Variants in ACACB observed in about 807,000 individuals in gnomAD.
ACACB encodes acetyl-CoA carboxylase beta.
ACACB carries 209 observed loss-of-function variants against 278.8 expected under a neutral mutation model. The observed-to-expected ratio is 0.75, with a 90% confidence interval of 0.67 to 0.84. The LOEUF (loss-of-function observed/expected upper bound fraction) is 0.84. ACACB is among the 40% of genes least tolerant of loss of function. The pLI is 0.00. For synonymous variants in ACACB, 1,174 were observed against 1,285.6 expected (o/e 0.91, Z 1.86); for missense variants, 2,850 against 3,269.0 (o/e 0.87, Z 3.13).
intron 20 of ACACB, among the ~76,000 whole-genome samples, chr12:109,207,910 C>G (rs1299836101): frequency 6.6e-6 from 1 of 151,886 alleles, no homozygotes; most frequent in Non-Finnish European, 1.5e-5. Flanking sequence ...GAACTCCTGA[C>G]CTCAGGTGAT....
At chr12:109,262,287 C>G in intron 48 of ACACB, 70 bp from the exon 49 acceptor site, 1 of 1,255,330 alleles carries the variant, frequency 8.0e-7, no homozygotes, top group Non-Finnish European at 1.2e-6. Context: ...CCAGCTCCCC[C>G]CACATCCATT....
intron 41 of ACACB, among the ~76,000 whole-genome samples, chr12:109,251,725 T>C (rs1448534706): frequency 6.6e-6 from 1 of 152,212 alleles, no homozygotes; most frequent in Non-Finnish European, 1.5e-5. Context: ...CTTTTGGTTG[T>C]TAAGAGGCTG....
intron 45 of ACACB, among the ~76,000 whole-genome samples, chr12:109,257,533 G>A (rs1347174703): frequency 6.6e-6 from 1 of 152,104 alleles, no homozygotes; most frequent in Non-Finnish European, 1.5e-5. Flanking sequence ...CTAGACCAGT[G>A]TAGTAGCTGC....
At chr12:109,129,522 A>T (rs1393793830) in intron 1 of ACACB, among the ~76,000 whole-genome samples, 1 of 152,204 alleles carries the variant, frequency 6.6e-6, no homozygotes, top group Non-Finnish European at 1.5e-5. Flanking sequence ...TAAAAAAATA[A>T]TCCTCTGTTG....
intron 35 of ACACB, 83 bp downstream of exon 35, chr12:109,240,068 C>G (rs979322419): frequency 4.2e-5 from 62 of 1,488,062 alleles, no homozygotes; most frequent in Admixed American, 2.0e-5. Flanking sequence ...TCTCTTGCCA[C>G]TCAAGACCTG....
chr12:109,210,095 A>G lies in ACACB; in HGVS notation c.3249+742A>G, dbSNP rs201598327. 4.0e-4 allele frequency among the ~76,000 whole-genome samples: 30 copies of G among 75,256 alleles called. 3 individuals are homozygous for G. Among genetic ancestry groups the G allele is most frequent in the African/African-American group, 9.9e-4 (19 of 19,140 alleles). 49.4% of individuals were successfully genotyped at this position (75,256 alleles called of 152,430 possible). A position where few individuals can be genotyped will look rare whatever the true frequency, so the allele number is the denominator to read the frequency against. On this transcript the variant is annotated intron_variant, in intron 21 of 52. Coordinates refer to ENST00000338432, the MANE Select transcript of ACACB (RefSeq NM_001093.4). ...TGTGTATATATGTATATATACACAC[A>G]TGTGTGTGTATATGTATATATACAC...
chr12:109,164,422 G>A (rs2043832723), intron 2 of ACACB, among the ~76,000 whole-genome samples: 1 of 152,048 alleles, frequency 6.6e-6, no homozygotes, highest in African/African-American at 2.4e-5. Flanking sequence ...TAGTAGAGAT[G>A]GGGTTCACCA....
At chr12:109,169,443 T>C (rs911290527) in intron 4 of ACACB, among the ~76,000 whole-genome samples, 3 of 152,190 alleles carry the variant, frequency 2.0e-5, no homozygotes, top group Non-Finnish European at 4.4e-5. Context: ...GTTCAGAGCA[T>C]CATCCAGTGG....
chr12:109,133,025 C>T (rs1341677483), intron 1 of ACACB, among the ~76,000 whole-genome samples: 1 of 152,186 alleles, frequency 6.6e-6, no homozygotes, highest in Non-Finnish European at 1.5e-5. Context: ...TCTCTCTCCA[C>T]ACACCACCTA....
chr12:109,262,984 T>TATATATATATATATATA (rs1593741001), intron 49 of ACACB: 2 of 32,128 alleles, frequency 6.2e-5, no homozygotes, highest in South Asian at 1.4e-3. Flanking sequence ...ATATATATAT[T>TATATATATATATATATA]GCCATCGTGA....
intron 18 of ACACB, among the ~76,000 whole-genome samples, chr12:109,200,668 A>G (rs2045304533): frequency 6.6e-6 from 1 of 152,150 alleles, no homozygotes; most frequent in Non-Finnish European, 1.5e-5. Context: ...GATGGGCACA[A>G]ATGTGATCCC....
chr12:109,122,395 G>A (rs1214850547), intron 1 of ACACB, among the ~76,000 whole-genome samples: 2 of 151,934 alleles, frequency 1.3e-5, no homozygotes, highest in African/African-American at 4.8e-5. Flanking sequence ...AGGATTGCTT[G>A]AGTCCCTGTC....
At chr12:109,229,721 T>C (rs759155285) in intron 28 of ACACB, among the ~76,000 whole-genome samples, 13 of 152,002 alleles carry the variant, frequency 8.6e-5, no homozygotes, top group Non-Finnish European at 1.6e-4. Context: ...TTAGTAGAGA[T>C]GGGGTTTCAC....
At chr12:109,195,368 G>A (rs763809890) in intron 16 of ACACB, among the ~76,000 whole-genome samples, 79 of 152,260 alleles carry the variant, frequency 5.2e-4, no homozygotes, top group Non-Finnish European at 9.6e-4. Context: ...TTGGAGATTT[G>A]GGGGCTTTAG....
chr12:109,174,043 C>A, intron 6 of ACACB, 89 bp from the exon 7 acceptor site: 1 of 1,095,210 alleles, frequency 9.1e-7, no homozygotes, highest in Non-Finnish European at 1.3e-6. Context: ...CCTTACCTGG[C>A]CCCACCACCG....
At position 109,227,395 on chromosome 12, in the gene ACACB, G is replaced by A. The variant is rs201010974; in HGVS notation, c.3907G>A (p.Ala1303Thr). ...GGTTTACGTGCGGAGGGGCTACATC[G>A]CCTATGAGTTAAACAGCCTGCAGCA... ...LEVYVRRGYI[A>T]YELNSLQHRQ... Residue 1303 changes from alanine (A) to threonine (T), a missense_variant, in exon 28 of 53, where the codon GCC becomes ACC. This residue lies in a region of ACACB where 2,265 missense variants were observed against 2,561.3 expected (regional missense o/e 0.88). Transcript: ENST00000338432. 2.2e-5 allele frequency: 35 copies of A among 1,613,012 alleles called. No individual in the cohort carries two copies. In the East Asian group the frequency reaches 5.6e-4, roughly 26 times the overall value.
intron 1 of ACACB, chr12:109,125,448 G>A (rs1203931018): frequency 6.6e-6 from 1 of 152,162 alleles, no homozygotes; most frequent in Non-Finnish European, 1.5e-5. Context: ...GGACACTAAC[G>A]ATGTCTGTGG....
At chr12:109,248,057 G>A (rs1372005571) in intron 40 of ACACB, among the ~76,000 whole-genome samples, 1 of 152,216 alleles carries the variant, frequency 6.6e-6, no homozygotes, top group African/African-American at 2.4e-5. Context: ...AGAGAGGTCT[G>A]TTCTTCGAGA....
chr12:109,117,964 G>A (rs1176438155), intron 1 of ACACB, among the ~76,000 whole-genome samples: 2 of 152,144 alleles, frequency 1.3e-5, no homozygotes, highest in Admixed American at 6.5e-5. Flanking sequence ...TAGCCAGGAT[G>A]GTCTCGATCT....
Sources: allele counts gnomAD v4.1 joint callset (sites outside exome capture counted in the v4.1 genomes callset), GRCh38; gene constraint gnomAD v4.1.1; regional missense constraint gnomAD v4.1.1; transcripts MANE v1.5; gene names NCBI Gene and HGNC (gene_info 2026-07-23, HGNC 2026-07-21).